Variants in TYW1B observed in about 807,000 individuals in gnomAD.
TYW1B encodes S-adenosyl-L-methionine-dependent tRNA 4-demethylwyosine synthase TYW1B.
A neutral mutation model predicts 86.9 loss-of-function variants in TYW1B; 73 were observed. The ratio of observed to expected loss-of-function variants is 0.84; its 90% CI spans 0.70 to 1.02. TYW1B has a LOEUF of 1.02. Among genes scored for constraint, TYW1B ranks in the 50% least tolerant of loss-of-function variants. TYW1B has a pLI of 0.00. For synonymous variants in TYW1B, 248 were observed against 292.8 expected, an observed-to-expected ratio of 0.85 and a Z score of 1.56; for missense variants, 637 against 827.4, an observed-to-expected ratio of 0.77 and a Z score of 2.82.
At chr7:72,662,015 T>C (rs1813339258) in intron 11 of TYW1B, among the ~76,000 whole-genome samples, 1 of 152,140 alleles carries the variant, frequency 6.6e-6, no homozygotes, top group Non-Finnish European at 1.5e-5. Flanking sequence ...ACCCAAAAAA[T>C]GGCAACCAGA....
chr7:72,667,048 A>AAAAAAAAAAAAG (rs60588106), intron 11 of TYW1B, among the ~76,000 whole-genome samples: 1,418 of 130,932 alleles, frequency 0.011, 5 homozygotes, highest in African/African-American at 0.016. Flanking sequence ...AAAAAAAAAA[A>AAAAAAAAAAAAG]AAAGAAACTA....
intron 9 of TYW1B, among the ~76,000 whole-genome samples, chr7:72,724,054 G>C (rs541918244): frequency 7.4e-4 from 112 of 151,264 alleles, no homozygotes; most frequent in Non-Finnish European, 7.8e-4. Flanking sequence ...ATAGCAATAA[G>C]ATGGATTTTC....
chr7:72,734,240 A>G (rs1787161820), intron 8 of TYW1B, among the ~76,000 whole-genome samples: 1 of 105,110 alleles, frequency 9.5e-6, no homozygotes, highest in African/African-American at 3.3e-5. Flanking sequence ...CGCAGGCAAC[A>G]GTTTAAAACT....
chr7:72,585,704 G>C (rs1811258564), intron 13 of TYW1B, among the ~76,000 whole-genome samples: 1 of 152,124 alleles, frequency 6.6e-6, no homozygotes, highest in African/African-American at 2.4e-5. Context: ...CTCTTCTCTT[G>C]TCTGCCTCCA....
chr7:72,586,840 G>A (rs781920495), intron 13 of TYW1B, among the ~76,000 whole-genome samples: 7 of 152,038 alleles, frequency 4.6e-5, no homozygotes, highest in Non-Finnish European at 7.3e-5. Context: ...CAAGGGCTTA[G>A]AGGTCACCTC....
At chr7:72,593,858 T>C (rs1195772167) in intron 13 of TYW1B, among the ~76,000 whole-genome samples, 4 of 120,238 alleles carry the variant, frequency 3.3e-5, no homozygotes, top group Non-Finnish European at 7.0e-5. Context: ...AATCAATAGA[T>C]GAATGAAACT....
chr7:72,597,487 T>C (rs1372111424), intron 13 of TYW1B, among the ~76,000 whole-genome samples: 1 of 152,056 alleles, frequency 6.6e-6, no homozygotes, highest in East Asian at 1.9e-4. Context: ...TCTAGTGAAA[T>C]AGCAAACAAG....
intron 11 of TYW1B, among the ~76,000 whole-genome samples, chr7:72,641,995 C>G (rs530166489): frequency 6.6e-6 from 1 of 152,214 alleles, no homozygotes; most frequent in South Asian, 2.1e-4. Context: ...CTATGTTAAT[C>G]AAGATTATGT....
At chr7:72,747,647 T>G (rs1183547887) in intron 7 of TYW1B, among the ~76,000 whole-genome samples, 14 of 152,164 alleles carry the variant, frequency 9.2e-5, no homozygotes, top group Admixed American at 5.9e-4. Flanking sequence ...TTGTCAACAT[T>G]GTTTAAGCTA....
chr7:72,579,546 T>C (rs1383379992), intron 13 of TYW1B, among the ~76,000 whole-genome samples: 2 of 152,226 alleles, frequency 1.3e-5, no homozygotes, highest in Non-Finnish European at 2.9e-5. Context: ...GCTCTCTTCC[T>C]GTCTTGCAGG....
At chr7:72,702,634 A>G (rs2960969) in intron 10 of TYW1B, among the ~76,000 whole-genome samples, 120,974 of 151,904 alleles carry the variant, frequency 0.8, 48,688 homozygotes, top group Middle Eastern at 0.87. Context: ...TGATCCGCCC[A>G]CCTCAGCCTC....
At chr7:72,665,583 T>C (rs1229111570) in intron 11 of TYW1B, among the ~76,000 whole-genome samples, 3 of 152,232 alleles carry the variant, frequency 2.0e-5, no homozygotes, top group African/African-American at 4.8e-5. Flanking sequence ...TACCTGTAAT[T>C]GTAGTTTTGA....
rs782334588 is a variant in TYW1B at position 72,828,101 on chromosome 7, G to A, written c.-26C>T. Reference sequence around the variant, plus strand: ...CCTCCTCAGAGCCGACAGGAGACTAGGATCTCGGACCTGGAGAGCCCAAAG... The same window carrying A: ...CCTCCTCAGAGCCGACAGGAGACTAAGATCTCGGACCTGGAGAGCCCAAAG... On this transcript the variant is annotated 5_prime_UTR_variant, in exon 1 of 14. Coordinates refer to ENST00000620995, the MANE Select transcript of TYW1B (RefSeq NM_001145440.3). The A allele has an allele frequency of 3.1e-6, 5 of 1,613,748 alleles. No homozygotes were observed. The highest frequency in any genetic ancestry group is 3.4e-6 in the Non-Finnish European group (4 of 1,179,870).
At chr7:72,676,301 G>A (rs34798506) in intron 11 of TYW1B, among the ~76,000 whole-genome samples, 3 of 152,184 alleles carry the variant, frequency 2.0e-5, no homozygotes, top group East Asian at 1.9e-4. Flanking sequence ...AAGATGATAC[G>A]TACTCAGGAT....
At chr7:72,753,249 T>A (rs1787530795) in intron 7 of TYW1B, among the ~76,000 whole-genome samples, 1 of 152,104 alleles carries the variant, frequency 6.6e-6, no homozygotes, top group African/African-American at 2.4e-5. Context: ...ATTAGTATTA[T>A]CAACTGGTGG....
Position 72,741,362 on chromosome 7 carries a change from T to G in TYW1B, c.1082+3122A>C, listed in dbSNP as rs1265729003. On this transcript the variant is annotated intron_variant, in intron 8 of 13. Coordinates refer to ENST00000620995, the MANE Select transcript of TYW1B (RefSeq NM_001145440.3). ...TCACTAGAGGGTTTCAACAGAAGAT[T>G]TGAACAGGCAAAAGAAAAACCTCAG... Among the ~76,000 whole-genome samples, 4 of 152,182 alleles carry G rather than the reference T, an allele frequency of 2.6e-5. No homozygotes were observed. In the East Asian group the frequency reaches 7.7e-4, roughly 29 times the overall value.
intron 11 of TYW1B, among the ~76,000 whole-genome samples, chr7:72,636,838 G>T (rs1238226277): frequency 1.3e-5 from 2 of 152,162 alleles, no homozygotes; most frequent in Non-Finnish European, 2.9e-5. Context: ...CTATGCTTAT[G>T]AGTAAAAATC....
At chr7:72,737,743 C>A (rs1787222030) in intron 8 of TYW1B, among the ~76,000 whole-genome samples, 1 of 151,916 alleles carries the variant, frequency 6.6e-6, no homozygotes, top group African/African-American at 2.4e-5. Context: ...TCTGTAAGCA[C>A]ATACTCTATT....
At chr7:72,615,317 T>C (rs1194577239) in intron 13 of TYW1B, among the ~76,000 whole-genome samples, 33 of 152,226 alleles carry the variant, frequency 2.2e-4, no homozygotes, top group African/African-American at 5.8e-4. Flanking sequence ...GAAAGATGCC[T>C]TGTAGTATAA....
Sources: allele counts gnomAD v4.1 joint callset (sites outside exome capture counted in the v4.1 genomes callset), GRCh38; gene constraint gnomAD v4.1.1; transcripts MANE v1.5; gene names NCBI Gene and HGNC (gene_info 2026-07-23, HGNC 2026-07-21).